FBXO34: variants seen among roughly 807,000 people sequenced by gnomAD.
FBXO34 encodes F-box only protein 34.
FBXO34 carries 12 observed loss-of-function variants against 24.5 expected under a neutral mutation model. That is an observed-to-expected ratio of 0.49 (90% CI 0.31 to 0.79). The LOEUF (loss-of-function observed/expected upper bound fraction) is 0.79. Ranked by LOEUF, FBXO34 falls within the 30% of genes least tolerant of loss-of-function variation. The pLI, the probability that FBXO34 is intolerant of heterozygous loss-of-function variation, is 0.04. For synonymous variants in FBXO34, 320 were observed against 311.9 expected (o/e 1.03, Z -0.27); for missense variants, 823 against 857.7 (o/e 0.96, Z 0.51).
chr14:55,356,286 A>G (rs1884521735), downstream of FBXO34, among the ~76,000 whole-genome samples: 6 of 152,194 alleles, frequency 3.9e-5, no homozygotes, highest in South Asian at 1.2e-3. Flanking sequence ...GCCTGATACA[A>G]AAACATGAAA....
At chr14:55,369,833 T>G (rs1325339626), downstream of FBXO34, 3 of 1,614,174 alleles carry the variant, frequency 1.9e-6, no homozygotes, top group Non-Finnish European at 2.5e-6. Flanking sequence ...GCTGACGCGC[T>G]CATCTCCGCT....
the FBXO34 span, among the ~76,000 whole-genome samples, chr14:55,432,405 C>T: frequency 4.2e-5 from 6 of 142,254 alleles, no homozygotes; most frequent in Admixed American, 2.1e-4. Flanking sequence ...ACAGTGAGAC[C>T]GTGTCTCAGA....
the FBXO34 span, among the ~76,000 whole-genome samples, chr14:55,420,395 G>C: frequency 6.6e-6 from 1 of 152,182 alleles, no homozygotes; most frequent in Non-Finnish European, 1.5e-5. Flanking sequence ...TAGAGACACA[G>C]GATTAAGTAA....
downstream of FBXO34, among the ~76,000 whole-genome samples, chr14:55,374,202 TTTA>T (rs1159706338): frequency 1.3e-5 from 2 of 148,634 alleles, no homozygotes; most frequent in African/African-American, 2.5e-5. Context: ...TTTTAAGTTT[TTTA>T]TTATTTTAAT....
At chr14:55,411,236 TAGAA>T in the FBXO34 span, among the ~76,000 whole-genome samples, 1 of 152,182 alleles carries the variant, frequency 6.6e-6, no homozygotes, top group Non-Finnish European at 1.5e-5. Context: ...CTTTCGAAAA[TAGAA>T]AGCCAAGCTT....
Position 55,353,555 on chromosome 14 carries a change from C to T in FBXO34, c.*1029C>T, listed in dbSNP as rs937991530. On this transcript the variant is annotated 3_prime_UTR_variant, in exon 2 of 2. Coordinates refer to ENST00000313833, the MANE Select transcript of FBXO34 (RefSeq NM_017943.4). ...ATAATAACATTCTTGTCTACTTTATCCTGTCTGGTTACAAAATTTTTTAAA... is the reference window on the plus strand; with the variant it reads ...ATAATAACATTCTTGTCTACTTTATTCTGTCTGGTTACAAAATTTTTTAAA... 10 of 166,960 alleles carry T rather than the reference C, an allele frequency of 6.0e-5. No individual in the cohort carries two copies. The highest frequency in any genetic ancestry group is 2.4e-4 in the African/African-American group (10 of 41,414). The allele number at this position is 166,960 out of a possible 1,614,324, so 10.3% of individuals were successfully genotyped here. A position where few individuals can be genotyped will look rare whatever the true frequency, so the allele number is the denominator to read the frequency against.
At chr14:55,315,606 AATCG>A (rs1244471962) in intron 1 of FBXO34, among the ~76,000 whole-genome samples, 1 of 152,170 alleles carries the variant, frequency 6.6e-6, no homozygotes, top group African/African-American at 2.4e-5. Context: ...TCTTACTCTT[AATCG>A]ATTGTATGGT....
chr14:55,322,279 C>T (rs923042429), intron 1 of FBXO34, among the ~76,000 whole-genome samples: 3 of 148,804 alleles, frequency 2.0e-5, no homozygotes, highest in African/African-American at 7.4e-5. Flanking sequence ...CACTGCACTC[C>T]AGCCTGGGCA....
At chr14:55,395,814 A>G in the FBXO34 span, 1 of 545,226 alleles carries the variant, frequency 1.8e-6, no homozygotes, top group Non-Finnish European at 2.9e-6. Context: ...AAGCCACGCT[A>G]CAAGTGGATT....
At chr14:55,294,791 A>G (rs1040539959) in intron 1 of FBXO34, among the ~76,000 whole-genome samples, 7 of 152,194 alleles carry the variant, frequency 4.6e-5, no homozygotes, top group Admixed American at 2.6e-4. Context: ...GCTTTGCCCA[A>G]TACATCACCT....
At chr14:55,397,525 G>A in the FBXO34 span, 3 of 1,007,972 alleles carry the variant, frequency 3.0e-6, no homozygotes, top group Non-Finnish European at 4.6e-6. Flanking sequence ...TCATTCTGCA[G>A]AGTCATGTGA....
At chr14:55,412,020 G>A in the FBXO34 span, among the ~76,000 whole-genome samples, 3 of 152,244 alleles carry the variant, frequency 2.0e-5, no homozygotes, top group African/African-American at 7.2e-5. Context: ...CAGGGGGAGA[G>A]TTATATTAGA....
At chr14:55,411,917 T>TCCTGGGGAAGGGGG in the FBXO34 span, 1 of 1,226,382 alleles carries the variant, frequency 8.2e-7, no homozygotes, top group Non-Finnish European at 1.1e-6. Flanking sequence ...GGGGCTGGGA[T>TCCTGGGGAAGGGGG]GCCGGCGAGC....
At chr14:55,311,929 A>T (rs1594744436) in intron 1 of FBXO34, among the ~76,000 whole-genome samples, 1 of 152,094 alleles carries the variant, frequency 6.6e-6, no homozygotes, top group African/African-American at 2.4e-5. Flanking sequence ...GGCCAGGTGC[A>T]GTGGCTCACG....
At position 55,353,187 on chromosome 14, in the gene FBXO34, A is replaced by G. The variant is rs1212984503; in HGVS notation, c.*661A>G. The G allele has an allele frequency of 6.0e-6, 1 of 167,100 alleles. No individual in the cohort carries two copies. The highest frequency in any genetic ancestry group is 6.5e-5 in the Admixed American group (1 of 15,292). The allele number at this position is 167,100 out of a possible 1,614,324, so 10.4% of individuals were successfully genotyped here. Reference sequence around the variant, plus strand: ...CTTTGGCCCCTCTGTGAATAGCACGATTAAAATCCAGTTGTATATAATGGA... The same window carrying G: ...CTTTGGCCCCTCTGTGAATAGCACGGTTAAAATCCAGTTGTATATAATGGA... On this transcript the variant is annotated 3_prime_UTR_variant, in exon 2 of 2. Transcript: ENST00000313833.
chr14:55,385,896 C>CA, the FBXO34 span: 1 of 1,613,088 alleles, frequency 6.2e-7, no homozygotes, highest in Non-Finnish European at 8.5e-7. Flanking sequence ...GGAAAAATGA[C>CA]AGAGGTGAGC....
At chr14:55,427,718 C>CG in the FBXO34 span, among the ~76,000 whole-genome samples, 1 of 151,562 alleles carries the variant, frequency 6.6e-6, no homozygotes, top group Admixed American at 6.6e-5. Context: ...CGGCTGGGGG[C>CG]GGGGGAGGAG....
the FBXO34 span, among the ~76,000 whole-genome samples, chr14:55,393,247 T>C: frequency 1.2e-4 from 18 of 151,516 alleles, no homozygotes; most frequent in African/African-American, 4.1e-4. Flanking sequence ...TAGCCGGGCG[T>C]GGTGGTGGGC....
At chr14:55,433,184 A>G in the FBXO34 span, among the ~76,000 whole-genome samples, 1 of 152,110 alleles carries the variant, frequency 6.6e-6, no homozygotes, top group African/African-American at 2.4e-5. Context: ...ACTGGACTGC[A>G]GTGGTATGAT....
Sources: gnomAD v4.1 joint callset for allele counts (sites outside exome capture counted in the v4.1 genomes callset) on GRCh38, gnomAD v4.1.1 for gene constraint, MANE v1.5 for transcripts, NCBI Gene and HGNC (gene_info 2026-07-23, HGNC 2026-07-21) for gene names.